Variants in PTPRK observed in about 807,000 individuals in gnomAD.
The protein encoded by PTPRK is protein tyrosine phosphatase receptor type K.
In PTPRK, 75 loss-of-function variants were observed where a neutral mutation model predicts 178.0. The observed-to-expected ratio is 0.42, with a 90% CI of 0.35 to 0.51. The LOEUF is 0.51. Among genes scored for constraint, PTPRK ranks in the 20% least tolerant of loss-of-function variants. The pLI is 0.02. For synonymous variants in PTPRK, 637 were observed against 620.6 expected, an observed-to-expected ratio of 1.03 and a Z score of -0.39; for missense variants, 1,441 against 1,797.8, an observed-to-expected ratio of 0.80 and a Z score of 3.59.
In PTPRK at chr6:128,283,180, C is replaced by T. The variant is rs150065986; in HGVS notation, c.495+38859G>A. The stretch of plus-strand genomic sequence containing the variant: ...CAAGGCTCACTCCTTTCCTGCCCTG[C>T]CTACAGAGTCCTTGGTGCACACTTG... On this transcript the variant is annotated intron_variant, in intron 3 of 29. Coordinates refer to ENST00000368226, the MANE Select transcript of PTPRK (RefSeq NM_002844.4). Among the ~76,000 whole-genome samples, 711 of 152,238 alleles carry T rather than the reference C, an allele frequency of 4.7e-3. 8 individuals are homozygous for T. The highest frequency in any genetic ancestry group is 0.016 in the African/African-American group (684 of 41,522).
At chr6:128,269,534 G>C (rs1391171031) in intron 3 of PTPRK, among the ~76,000 whole-genome samples, 2 of 151,776 alleles carry the variant, frequency 1.3e-5, no homozygotes, top group Admixed American at 6.6e-5. Flanking sequence ...AAAAAAAAAG[G>C]TATAATTAGA....
intron 3 of PTPRK, among the ~76,000 whole-genome samples, chr6:128,275,247 T>C (rs1187916402): frequency 6.6e-6 from 1 of 152,062 alleles, no homozygotes; most frequent in Non-Finnish European, 1.5e-5. Context: ...ACTCAAAGGA[T>C]TCTGACTCAA....
At chr6:128,009,099 G>T in intron 14 of PTPRK, 31 bp downstream of exon 14, 1 of 1,547,088 alleles carries the variant, frequency 6.5e-7, no homozygotes, top group Non-Finnish European at 8.8e-7. Context: ...TAAATGGTAA[G>T]TGAGTGGGAC....
chr6:128,177,727 A>C (rs527671646), intron 7 of PTPRK, among the ~76,000 whole-genome samples: 1 of 151,818 alleles, frequency 6.6e-6, no homozygotes, highest in Non-Finnish European at 1.5e-5. Flanking sequence ...AGGCTATTTC[A>C]TATTTGTTCA....
intron 3 of PTPRK, among the ~76,000 whole-genome samples, chr6:128,246,894 T>C (rs1310006149): frequency 1.3e-5 from 2 of 152,218 alleles, no homozygotes; most frequent in Non-Finnish European, 2.9e-5. Flanking sequence ...CAGTCCTGGA[T>C]TATTAACTAA....
At chr6:128,507,171 G>A (rs893565642) in intron 1 of PTPRK, among the ~76,000 whole-genome samples, 3 of 152,216 alleles carry the variant, frequency 2.0e-5, no homozygotes, top group Admixed American at 6.5e-5. Flanking sequence ...TACTATGTGT[G>A]GAGATCAGCA....
chr6:128,414,395 C>T (rs1842619726), intron 1 of PTPRK, among the ~76,000 whole-genome samples: 1 of 152,150 alleles, frequency 6.6e-6, no homozygotes, highest in Non-Finnish European at 1.5e-5. Flanking sequence ...TGCACACCAC[C>T]CTGCAATGTT....
At chr6:128,459,550 C>T (rs1247207228) in intron 1 of PTPRK, among the ~76,000 whole-genome samples, 2 of 152,166 alleles carry the variant, frequency 1.3e-5, no homozygotes, top group Admixed American at 1.3e-4. Context: ...ACCAGTGAAA[C>T]AGCACAGGCC....
chr6:128,268,330 T>C (rs538313638), intron 3 of PTPRK, among the ~76,000 whole-genome samples: 1 of 151,982 alleles, frequency 6.6e-6, no homozygotes, highest in Non-Finnish European at 1.5e-5. Flanking sequence ...TGACTTAAAT[T>C]AACTCACATT....
At chr6:128,158,801 T>G (rs1359938984) in intron 7 of PTPRK, among the ~76,000 whole-genome samples, 1 of 151,874 alleles carries the variant, frequency 6.6e-6, no homozygotes, top group South Asian at 2.1e-4. Flanking sequence ...AAACAGTTAA[T>G]AGTTATAGCT....
intron 7 of PTPRK, among the ~76,000 whole-genome samples, chr6:128,183,252 C>T (rs547412988): frequency 3.9e-5 from 6 of 152,236 alleles, no homozygotes; most frequent in East Asian, 3.9e-4. Flanking sequence ...GAAAGTTTAT[C>T]TTCTATCACA....
At chr6:128,491,825 A>G in intron 1 of PTPRK, 2 of 516,826 alleles carry the variant, frequency 3.9e-6, no homozygotes, top group South Asian at 1.4e-5. Flanking sequence ...ACAGCAGCAA[A>G]AGTTACCGAC....
chr6:128,080,123 A>G (rs1784556071), intron 10 of PTPRK, among the ~76,000 whole-genome samples: 1 of 151,998 alleles, frequency 6.6e-6, no homozygotes, highest in African/African-American at 2.4e-5. Flanking sequence ...AAAAAGGGTA[A>G]AAACTCATCA....
chr6:128,113,275 GA>G (rs1200267427), intron 7 of PTPRK, among the ~76,000 whole-genome samples: 1 of 151,618 alleles, frequency 6.6e-6, no homozygotes, highest in Admixed American at 6.6e-5. Context: ...ACAGACAGAA[GA>G]AAAAAACTTG....
intron 3 of PTPRK, among the ~76,000 whole-genome samples, chr6:128,281,249 G>T (rs2128302493): frequency 6.6e-6 from 1 of 152,304 alleles, no homozygotes; most frequent in South Asian, 2.1e-4. Context: ...GCCAGATGTG[G>T]ACTTCTCCAA....
intron 7 of PTPRK, among the ~76,000 whole-genome samples, chr6:128,098,881 G>T (rs1788327839): frequency 6.6e-6 from 1 of 151,806 alleles, no homozygotes; most frequent in Non-Finnish European, 1.5e-5. Context: ...ACTTTTAATG[G>T]ATATATTTTT....
intron 1 of PTPRK, among the ~76,000 whole-genome samples, chr6:128,470,001 T>C (rs1432405530): frequency 6.6e-6 from 1 of 152,086 alleles, no homozygotes; most frequent in Non-Finnish European, 1.5e-5. Flanking sequence ...CCTCCAGAAA[T>C]GTAAGAGAAT....
chr6:128,447,695 G>A (rs1475724629), intron 1 of PTPRK, among the ~76,000 whole-genome samples: 2 of 151,310 alleles, frequency 1.3e-5, no homozygotes, highest in Non-Finnish European at 2.9e-5. Flanking sequence ...CACGATCTTG[G>A]CTCACTGTAA....
chr6:128,180,622 C>A (rs570971577), intron 7 of PTPRK, among the ~76,000 whole-genome samples: 1 of 152,136 alleles, frequency 6.6e-6, no homozygotes, highest in African/African-American at 2.4e-5. Flanking sequence ...AAAGCTTTGG[C>A]AACCAGACAG....
Sources: gnomAD v4.1 joint callset for allele counts (sites outside exome capture counted in the v4.1 genomes callset) on GRCh38, gnomAD v4.1.1 for gene constraint, MANE v1.5 for transcripts, NCBI Gene and HGNC (gene_info 2026-07-23, HGNC 2026-07-21) for gene names.